MAST1: variants seen among roughly 807,000 people sequenced by gnomAD.
The protein encoded by MAST1 is microtubule-associated serine/threonine-protein kinase 1.
In MAST1, 40 loss-of-function variants were observed where a neutral mutation model predicts 124.6. The observed-to-expected ratio is 0.32, with a 90% CI of 0.25 to 0.42. The LOEUF (loss-of-function observed/expected upper bound fraction) is 0.42, where lower values mean the gene tolerates loss of function less well. Among genes scored for constraint, MAST1 ranks in the 10% least tolerant of loss-of-function variants. The pLI, the probability that MAST1 is intolerant of heterozygous loss-of-function variation, is 1.00. For synonymous variants in MAST1, 938 were observed against 939.4 expected (o/e 1.00, Z 0.03); for missense variants, 1,558 against 2,181.9 (o/e 0.71, Z 5.70).
chr19:12,872,496 G>C (rs1427267711), intron 24 of MAST1, among the ~76,000 whole-genome samples: 1 of 152,020 alleles, frequency 6.6e-6, no homozygotes, highest in East Asian at 1.9e-4. Flanking sequence ...ACCTGAAGTG[G>C]GAGGAGGGAG....
Position 12,858,246 on chromosome 19 carries a change from C to T in MAST1, c.1078-116C>T, listed in dbSNP as rs1970039925. ...CCTAACTTTCTCTTTCATTATGGCA[C>T]TTGGATGAAGGACTCTTTCATTCTG... On this transcript the variant is annotated intron_variant, in intron 10 of 25. Transcript: ENST00000251472. 5 of 896,264 alleles carry T rather than the reference C, an allele frequency of 5.6e-6. No homozygotes were observed. In the South Asian group the frequency reaches 8.2e-5, roughly 15 times the overall value. The allele number at this position is 896,264 out of a possible 1,614,324, so 55.5% of individuals were successfully genotyped here. A position where few individuals can be genotyped will look rare whatever the true frequency, so the allele number is the denominator to read the frequency against.
chr19:12,847,475 G>T lies in MAST1; in HGVS notation c.488+25G>T. 1.2e-6 allele frequency: 2 copies of T among 1,612,974 alleles called. No homozygotes were observed. The highest frequency in any genetic ancestry group is 1.7e-6 in the Non-Finnish European group (2 of 1,179,582). On this transcript the variant is annotated intron_variant, in intron 5 of 25. Coordinates refer to ENST00000251472, the MANE Select transcript of MAST1 (RefSeq NM_014975.3). The surrounding 1 kb of genome is among the most constrained non-coding windows in gnomAD (Gnocchi z 5.5). ...GGTGGGCAGGCATCCCTCCTCCTTC[G>T]TACCAAGCTAGTGGTCTTAGGACTT...
rs1395940595 is a variant in MAST1 at position 12,874,626 on chromosome 19, C to T, written c.4469C>T (p.Thr1490Met). 6.6e-6 allele frequency: 10 copies of T among 1,518,792 alleles called. No homozygotes were observed. The highest frequency in any genetic ancestry group is 4.3e-5 in the Admixed American group (2 of 46,748). The allele number at this position is 1,518,792 out of a possible 1,614,324, so 94.1% of individuals were successfully genotyped here. A position where few individuals can be genotyped will look rare whatever the true frequency, so the allele number is the denominator to read the frequency against. ...WVLEVVEERTTLSGPRSKPAS... is the reference protein window; with the variant it reads ...WVLEVVEERTMLSGPRSKPAS... ...TTGGAGGTGGTGGAGGAGCGCACCA[C>T]GCTGAGCGGTCCTCGCTCCAAGCCC... The change falls in exon 26 of 26, where the codon ACG becomes ATG. Residue 1490 changes from threonine (T) to methionine (M), a missense_variant. Transcript: ENST00000251472. The surrounding 1 kb of genome is among the most constrained non-coding windows in gnomAD (Gnocchi z 6.6).
chr19:12,858,452 C>T lies in MAST1; in HGVS notation c.1157+11C>T, dbSNP rs753511922. Reference sequence around the variant, plus strand: ...CAACGGTGCCTACGGGTGAGCCACCCGGGGCTCTGGCGGGGGGAGGGTGGC... The same window carrying T: ...CAACGGTGCCTACGGGTGAGCCACCTGGGGCTCTGGCGGGGGGAGGGTGGC... On this transcript the variant is annotated intron_variant, in intron 11 of 25. Coordinates refer to ENST00000251472, the MANE Select transcript of MAST1 (RefSeq NM_014975.3). 4.3e-6 allele frequency: 7 copies of T among 1,613,076 alleles called. No individual in the cohort carries two copies. The highest frequency in any genetic ancestry group is 1.7e-5 in the Admixed American group (1 of 59,976).
In MAST1 at chr19:12,874,049, T is replaced by G. The variant is rs1254774321; in HGVS notation, c.3892T>G (p.Phe1298Val). ...EVGHPDFRKD[F>V]HGELALHSLA... The stretch of plus-strand genomic sequence containing the variant: ...GGGCCACCCGGATTTCCGCAAGGAC[T>G]TCCATGGCGAGCTGGCGCTGCATAG... The change falls in exon 26 of 26, where the codon TTC (phenylalanine) becomes GTC (valine). Residue 1298 changes from phenylalanine to valine, a missense_variant. Physicochemically the swap from Phe to Val is conservative, Grantham distance 50. Transcript: ENST00000251472. The surrounding 1 kb of genome is among the most constrained non-coding windows in gnomAD (Gnocchi z 6.6). 1 of 1,603,394 alleles carries G rather than the reference T, an allele frequency of 6.2e-7. No individual in the cohort carries two copies. Among genetic ancestry groups the G allele is most frequent in the Non-Finnish European group, 8.5e-7 (1 of 1,177,596 alleles).
chr19:12,867,260 C>G (rs1970166924), intron 18 of MAST1, among the ~76,000 whole-genome samples: 1 of 151,930 alleles, frequency 6.6e-6, no homozygotes, highest in African/African-American at 2.4e-5. Context: ...GTCAGGGCAT[C>G]GTCGGGGCAG....
At chr19:12,854,921 G>T (rs2145898064) in intron 10 of MAST1, among the ~76,000 whole-genome samples, 1 of 152,194 alleles carries the variant, frequency 6.6e-6, no homozygotes, top group East Asian at 1.9e-4. Flanking sequence ...TGTTTTCTCT[G>T]AACTGCCTAG....
At chr19:12,851,268 CTT>C (rs112311166) in intron 7 of MAST1, among the ~76,000 whole-genome samples, 49 of 140,670 alleles carry the variant, frequency 3.5e-4, no homozygotes, top group South Asian at 6.7e-4. Flanking sequence ...TTCTTTTTTT[CTT>C]TTTTTTTTTT....
At chr19:12,854,062 C>T (rs889649732) in intron 10 of MAST1, among the ~76,000 whole-genome samples, 1 of 151,288 alleles carries the variant, frequency 6.6e-6, no homozygotes, top group East Asian at 1.9e-4. Flanking sequence ...TCCCTCCCTG[C>T]AGTCCCTGGC....
chr19:12,871,913 C>T (rs1480272499), intron 24 of MAST1, among the ~76,000 whole-genome samples: 2 of 61,040 alleles, frequency 3.3e-5, no homozygotes, highest in African/African-American at 1.3e-4. Flanking sequence ...TAGACTCTTT[C>T]AAAAAAAAAA....
Position 12,847,831 on chromosome 19 carries a change from C to T in MAST1, c.565-17C>T. ...CTTCGGGCACAGCCCCGCGCCCCTC[C>T]TCCGTCCCTCCCGCAGGCCACTGCG... On this transcript the variant is annotated splice_polypyrimidine_tract_variant and intron_variant, in intron 6 of 25. Coordinates refer to ENST00000251472, the MANE Select transcript of MAST1 (RefSeq NM_014975.3). The surrounding 1 kb of genome is among the most constrained non-coding windows in gnomAD (Gnocchi z 5.5). The T allele has an allele frequency of 6.2e-7, 1 of 1,601,778 alleles. No homozygotes were observed. Among genetic ancestry groups the T allele is most frequent in the East Asian group, 2.3e-5 (1 of 44,382 alleles).
In MAST1 at chr19:12,847,310, G is replaced by C; in HGVS notation, c.348G>C (p.Glu116Asp). 1 of 1,613,676 alleles carries C rather than the reference G, an allele frequency of 6.2e-7. No homozygotes were observed. The highest frequency in any genetic ancestry group is 8.5e-7 in the Non-Finnish European group (1 of 1,179,932). ...STVSSSCSSQ[E>D]RLHQLPYQPT... ...CCCAGTCCTCCTGCTCCTCCCAGGA[G>C]CGCCTTCACCAGCTGCCCTACCAGC... Residue 116 changes from glutamate to aspartate, a missense_variant, in exon 5 of 26, where the codon GAG becomes GAC. Coordinates refer to ENST00000251472, the MANE Select transcript of MAST1 (RefSeq NM_014975.3). The surrounding 1 kb of genome is among the most constrained non-coding windows in gnomAD (Gnocchi z 5.5).
In MAST1 at chr19:12,866,124, G is replaced by C. The variant is rs767342372; in HGVS notation, c.2029+22G>C. ...GACAGTGAGCTGGGACACCAGGCAC[G>C]ACCTGGGTCGAGGGGTGGGATCCGG... is the stretch of plus-strand genomic sequence containing the variant. On this transcript the variant is annotated intron_variant, in intron 17 of 25. Transcript: ENST00000251472. The surrounding 1 kb of genome is among the most constrained non-coding windows in gnomAD (Gnocchi z 5.2). 30 of 1,613,268 alleles carry C rather than the reference G, an allele frequency of 1.9e-5. No homozygotes were observed. In the South Asian group the frequency reaches 3.1e-4, roughly 17 times the overall value.
At position 12,838,888 on chromosome 19, in the gene MAST1, G is replaced by A. The variant is rs1300479226; in HGVS notation, c.83+233G>A. ...GGGGGGAGGGGGCTGCGCCACTGGGGGTTTGTGGCGCCTTTGTCTGCTGGC... is the reference window on the plus strand; with the variant it reads ...GGGGGGAGGGGGCTGCGCCACTGGGAGTTTGTGGCGCCTTTGTCTGCTGGC... On this transcript the variant is annotated intron_variant, in intron 1 of 25. Coordinates refer to ENST00000251472, the MANE Select transcript of MAST1 (RefSeq NM_014975.3). The surrounding 1 kb of genome is among the most constrained non-coding windows in gnomAD (Gnocchi z 4.3). 2.0e-5 allele frequency among the ~76,000 whole-genome samples: 3 copies of A among 152,024 alleles called. No homozygotes were observed. Among genetic ancestry groups the A allele is most frequent in the South Asian group, 4.2e-4 (2 of 4,814 alleles).
In MAST1 at chr19:12,848,073, G is replaced by A. The variant is rs1218521516; in HGVS notation, c.774+16G>A. ...CCTTCAAGACGTGAGTGCACGCGGA[G>A]GCCGGGCTGATCTCAGGCTCAGCAC... On this transcript the variant is annotated intron_variant, in intron 7 of 25. Coordinates refer to ENST00000251472, the MANE Select transcript of MAST1 (RefSeq NM_014975.3). 1.9e-6 allele frequency: 3 copies of A among 1,609,760 alleles called. No individual in the cohort carries two copies. The highest frequency in any genetic ancestry group is 2.2e-5 in the East Asian group (1 of 44,778).
In MAST1 at chr19:12,869,219, A is replaced by C; in HGVS notation, c.2927A>C (p.Lys976Thr). Residue 976 changes from lysine (K) to threonine (T), a missense_variant, in exon 22 of 26, where the codon AAG becomes ACG. Around this residue, in one of 10 missense-constraint regions of MAST1, gnomAD observed 291 missense variants for 475.8 expected, o/e 0.61. Coordinates refer to ENST00000251472, the MANE Select transcript of MAST1 (RefSeq NM_014975.3). ...ATCACCATCCAGCGCTCGGGCAAGA[A>C]GTATGGCTTCACACTGCGTGCCATC... Reference protein sequence around the residue: ...SPITIQRSGKKYGFTLRAIRV... With the variant: ...SPITIQRSGKTYGFTLRAIRV... 1 of 1,614,196 alleles carries C rather than the reference A, an allele frequency of 6.2e-7. No individual in the cohort carries two copies.
intron 10 of MAST1, among the ~76,000 whole-genome samples, chr19:12,854,776 G>A (rs559105386): frequency 3.9e-5 from 6 of 152,138 alleles, no homozygotes; most frequent in African/African-American, 9.7e-5. Context: ...ATGGGCTTTC[G>A]AGCAAGCTAA....
chr19:12,855,264 G>A (rs999707352), intron 10 of MAST1, among the ~76,000 whole-genome samples: 2 of 151,918 alleles, frequency 1.3e-5, no homozygotes, highest in African/African-American at 4.8e-5. Flanking sequence ...AATAAAAGAA[G>A]CAAAATATAA....
Position 12,867,567 on chromosome 19 carries a change from C to T in MAST1, c.2233C>T (p.Pro745Ser), listed in dbSNP as rs768619275. The change falls in exon 19 of 26, where the codon CCC (proline) becomes TCC (serine). Residue 745 changes from proline (P) to serine (S), a missense_variant. Around this residue, in one of 10 missense-constraint regions of MAST1, gnomAD observed 287 missense variants for 308.0 expected, o/e 0.93. Coordinates refer to ENST00000251472, the MANE Select transcript of MAST1 (RefSeq NM_014975.3). Reference protein sequence around the residue: ...SSKREPSTKGPEEKVAGKREG... With the variant: ...SSKREPSTKGSEEKVAGKREG... Reference sequence around the variant, plus strand: ...CAAGCGGGAGCCGAGCACCAAGGGCCCCGAGGAGAAGGTGGCCGGCAAGCG... The same window carrying T: ...CAAGCGGGAGCCGAGCACCAAGGGCTCCGAGGAGAAGGTGGCCGGCAAGCG... The T allele has an allele frequency of 6.2e-7, 1 of 1,613,544 alleles. No individual in the cohort carries two copies. The highest frequency in any genetic ancestry group is 1.7e-5 in the Admixed American group (1 of 59,992).
Sources: gnomAD v4.1 joint callset for allele counts (sites outside exome capture counted in the v4.1 genomes callset) on GRCh38, gnomAD v4.1.1 for gene constraint, gnomAD v4.1.1 regional missense constraint, Gnocchi (gnomAD v3.1) non-coding constraint, MANE v1.5 for transcripts, NCBI Gene and HGNC (gene_info 2026-07-23, HGNC 2026-07-21) for gene names.